Variants in C3orf70 observed in about 807,000 individuals in gnomAD.
The protein encoded by C3orf70 is UPF0524 protein C3orf70.
A neutral mutation model predicts 20.7 loss-of-function variants in C3orf70; 15 were observed. The observed-to-expected ratio is 0.72, with a 90% CI of 0.48 to 1.11. The LOEUF (loss-of-function observed/expected upper bound fraction) is 1.11. Ranked by LOEUF, C3orf70 falls within the 50% of genes most tolerant of loss-of-function variation. The pLI, the probability that C3orf70 is intolerant of heterozygous loss-of-function variation, is 0.00. For missense variants in C3orf70, 332 were observed against 317.6 expected (o/e 1.05, Z -0.34); for synonymous variants, 161 against 125.7 (o/e 1.28, Z -1.88).
intron 1 of C3orf70, among the ~76,000 whole-genome samples, chr3:185,091,904 CACACATACATATAT>C (rs1268280691): frequency 1.3e-5 from 1 of 78,120 alleles, no homozygotes; most frequent in Non-Finnish European, 2.6e-5. Context: ...CATACACACA[CACACATACATATAT>C]ATATATATAT....
intron 1 of C3orf70, among the ~76,000 whole-genome samples, chr3:185,096,170 A>G (rs1332460576): frequency 6.6e-6 from 1 of 152,142 alleles, no homozygotes; most frequent in Non-Finnish European, 1.5e-5. Context: ...ATTACCTCTC[A>G]TTTCTCCTGA....
chr3:185,118,161 T>A (rs1400956814), intron 1 of C3orf70, among the ~76,000 whole-genome samples: 1 of 152,256 alleles, frequency 6.6e-6, no homozygotes, highest in African/African-American at 2.4e-5. Context: ...ATATAATAGA[T>A]GCTCAACAAA....
chr3:185,115,286 G>C (rs1716153331), intron 1 of C3orf70, among the ~76,000 whole-genome samples: 1 of 151,988 alleles, frequency 6.6e-6, no homozygotes, highest in Admixed American at 6.6e-5. Context: ...TAGTCATTTG[G>C]CTACTGGTTA....
At chr3:185,109,577 G>A (rs73190975) in intron 1 of C3orf70, among the ~76,000 whole-genome samples, 28,939 of 152,110 alleles carry the variant, frequency 0.19, 3,119 homozygotes, top group East Asian at 0.42. Flanking sequence ...GAAGAAAACC[G>A]GAGGAAAGGG....
At chr3:185,085,541 C>A (rs1715441376) in intron 1 of C3orf70, among the ~76,000 whole-genome samples, 1 of 152,148 alleles carries the variant, frequency 6.6e-6, no homozygotes, top group Admixed American at 6.5e-5. Context: ...TGCTTCCAAG[C>A]CTGGACGTAC....
intron 1 of C3orf70, among the ~76,000 whole-genome samples, chr3:185,149,258 G>A (rs1716935924): frequency 6.6e-6 from 1 of 152,086 alleles, no homozygotes; most frequent in South Asian, 2.1e-4. Context: ...CAGGCGTGGT[G>A]GTGCATGCCT....
At position 185,078,529 on chromosome 3, in the gene C3orf70, C is replaced by T. The variant is rs1175335509; in HGVS notation, c.*4478G>A. ...TATTTCTGTGTTGATGTGAGAGACA[C>T]TGATATCCGGGAACTTACAGCACTG... On this transcript the variant is annotated 3_prime_UTR_variant, in exon 2 of 2. Coordinates refer to ENST00000335012, the MANE Select transcript of C3orf70 (RefSeq NM_001025266.3). The T allele has an allele frequency of 3.9e-5, 6 of 152,194 alleles. No individual in the cohort carries two copies. Among genetic ancestry groups the T allele is most frequent in the African/African-American group, 7.2e-5 (3 of 41,436 alleles). 9.4% of individuals were successfully genotyped at this position (152,194 alleles called of 1,614,324 possible). A position where few individuals can be genotyped will look rare whatever the true frequency, so the allele number is the denominator to read the frequency against.
At chr3:185,147,394 T>C (rs1457761215) in intron 1 of C3orf70, among the ~76,000 whole-genome samples, 1 of 152,206 alleles carries the variant, frequency 6.6e-6, no homozygotes, top group Non-Finnish European at 1.5e-5. Context: ...TCTTTACAGT[T>C]CTCATTCTTC....
chr3:185,106,926 A>G (rs554422366), intron 1 of C3orf70, among the ~76,000 whole-genome samples: 1 of 152,376 alleles, frequency 6.6e-6, no homozygotes, highest in East Asian at 1.9e-4. Flanking sequence ...TGTTCCCTGG[A>G]AAGCAGAGCC....
intron 1 of C3orf70, among the ~76,000 whole-genome samples, chr3:185,089,843 CCAAT>C (rs958964593): frequency 6.6e-6 from 1 of 152,062 alleles, no homozygotes; most frequent in Non-Finnish European, 1.5e-5. Flanking sequence ...TTTTCAAAGG[CCAAT>C]CAAACCACAA....
chr3:185,151,774 A>C (rs1716993890), intron 1 of C3orf70, among the ~76,000 whole-genome samples: 1 of 152,224 alleles, frequency 6.6e-6, no homozygotes. Flanking sequence ...AACTAACTTT[A>C]GAATATATTT....
intron 1 of C3orf70, among the ~76,000 whole-genome samples, chr3:185,124,542 A>C (rs1342999316): frequency 6.6e-6 from 1 of 152,224 alleles, no homozygotes; most frequent in Non-Finnish European, 1.5e-5. Flanking sequence ...CCTAGAAATG[A>C]AGGAGTCAGA....
At position 185,139,579 on chromosome 3, in the gene C3orf70, A is replaced by C. The variant is rs563200942; in HGVS notation, c.196+13049T>G. On this transcript the variant is annotated intron_variant, in intron 1 of 1. Coordinates refer to ENST00000335012, the MANE Select transcript of C3orf70 (RefSeq NM_001025266.3). ...AAAAAAAAAAAAATTCAGTCTACCC[A>C]ACTAAAGACTTCTTATACAGCTATA... Among the ~76,000 whole-genome samples, 11 of 151,648 alleles carry C rather than the reference A, an allele frequency of 7.3e-5. No individual in the cohort carries two copies. In the East Asian group the frequency reaches 1.4e-3, roughly 19 times the overall value.
chr3:185,094,859 T>TG (rs1715669010), intron 1 of C3orf70, among the ~76,000 whole-genome samples: 1 of 152,030 alleles, frequency 6.6e-6, no homozygotes, highest in Non-Finnish European at 1.5e-5. Context: ...GAGAGGTCAC[T>TG]GGGGGTGAGA....
chr3:185,116,319 G>C (rs182599284), intron 1 of C3orf70, among the ~76,000 whole-genome samples: 1 of 152,114 alleles, frequency 6.6e-6, no homozygotes. Context: ...TGTGTTTAAC[G>C]TCATTTGGCA....
chr3:185,126,431 T>C (rs1229570325), intron 1 of C3orf70, among the ~76,000 whole-genome samples: 2 of 152,116 alleles, frequency 1.3e-5, no homozygotes, highest in Non-Finnish European at 2.9e-5. Flanking sequence ...CAGGGATATA[T>C]GACAAAACAG....
At chr3:185,112,265 G>A (rs1716091435) in intron 1 of C3orf70, among the ~76,000 whole-genome samples, 1 of 152,190 alleles carries the variant, frequency 6.6e-6, no homozygotes. Context: ...ATTCCAGCCT[G>A]AGCTATAGAG....
intron 1 of C3orf70, among the ~76,000 whole-genome samples, chr3:185,090,272 AAAG>A (rs2108588062): frequency 6.6e-6 from 1 of 151,662 alleles, no homozygotes; most frequent in East Asian, 1.9e-4. Flanking sequence ...AGGGAATGAA[AAAG>A]AAAAAATAAA....
rs547786714 is a variant in C3orf70, at chr3:185,077,978, T to C, written c.*5029A>G. On this transcript the variant is annotated 3_prime_UTR_variant, in exon 2 of 2. Transcript: ENST00000335012. The stretch of plus-strand genomic sequence containing the variant: ...CCTAGCACGTAGGAAAGACCTGATA[T>C]ATAAATGTTTCACACTTTGCAAACG... The C allele has an allele frequency of 6.6e-6, 1 of 152,528 alleles. No individual in the cohort carries two copies. The highest frequency in any genetic ancestry group is 2.1e-4 in the South Asian group (1 of 4,808). 9.4% of individuals were successfully genotyped at this position (152,528 alleles called of 1,614,324 possible).
Sources: allele counts gnomAD v4.1 joint callset (sites outside exome capture counted in the v4.1 genomes callset), GRCh38; gene constraint gnomAD v4.1.1; transcripts MANE v1.5; gene names NCBI Gene and HGNC (gene_info 2026-07-23, HGNC 2026-07-21).